SPAG16: variants seen among roughly 807,000 people sequenced by gnomAD.
SPAG16 encodes sperm associated antigen 16.
A neutral mutation model predicts 80.4 loss-of-function variants in SPAG16; 86 were observed. The observed-to-expected ratio is 1.07, with a 90% CI of 0.90 to 1.28. The LOEUF is 1.28. Among genes scored for constraint, SPAG16 ranks in the 50% most tolerant of loss-of-function variants. The pLI is 0.00. For synonymous variants in SPAG16, 294 were observed against 265.9 expected, an observed-to-expected ratio of 1.11 and a Z score of -1.03; for missense variants, 870 against 765.3, an observed-to-expected ratio of 1.14 and a Z score of -1.61.
intron 13 of SPAG16, among the ~76,000 whole-genome samples, chr2:214,098,057 T>C (rs2052728141): frequency 6.6e-6 from 1 of 152,118 alleles, no homozygotes; most frequent in Non-Finnish European, 1.5e-5. Context: ...ATCATTACAT[T>C]ATATGCTTGT....
chr2:213,596,527 C>T (rs745723847), intron 10 of SPAG16, among the ~76,000 whole-genome samples: 1 of 152,068 alleles, frequency 6.6e-6, no homozygotes, highest in Non-Finnish European at 1.5e-5. Flanking sequence ...TTTCAGATGA[C>T]ATTTAAGAAT....
Position 214,046,316 on chromosome 2 carries a change from A to T in SPAG16, c.1527+32239A>T, listed in dbSNP as rs112204735. On this transcript the variant is annotated intron_variant, in intron 13 of 15. Transcript: ENST00000331683. Reference sequence around the variant, plus strand: ...AATCTTACTCAAACTATTTCCAAAAATATGTGAAGATGGAATACTTCCAAA... The same window carrying T: ...AATCTTACTCAAACTATTTCCAAAATTATGTGAAGATGGAATACTTCCAAA... Among the ~76,000 whole-genome samples the T allele has an allele frequency of 3.5e-3, 539 of 152,316 alleles. 5 individuals are homozygous for T. The highest frequency in any genetic ancestry group is 0.012 in the African/African-American group (514 of 41,582).
intron 12 of SPAG16, among the ~76,000 whole-genome samples, chr2:214,005,089 C>T (rs915602323): frequency 6.6e-6 from 1 of 152,048 alleles, no homozygotes; most frequent in African/African-American, 2.4e-5. Flanking sequence ...TATCAGCCTG[C>T]CTCAGGTTGC....
intron 10 of SPAG16, among the ~76,000 whole-genome samples, chr2:213,821,877 G>A (rs1455167687): frequency 2.0e-5 from 3 of 152,132 alleles, no homozygotes; most frequent in African/African-American, 2.4e-5. Context: ...TGCAAGTGAT[G>A]GGATCTCATT....
intron 10 of SPAG16, among the ~76,000 whole-genome samples, chr2:213,856,603 G>A (rs565040132): frequency 7.2e-5 from 11 of 152,140 alleles, no homozygotes; most frequent in Non-Finnish European, 1.5e-4. Context: ...CTTGGCAGAG[G>A]TTCCCAAACC....
intron 11 of SPAG16, among the ~76,000 whole-genome samples, chr2:213,874,630 G>A (rs1402446663): frequency 2.0e-5 from 3 of 152,114 alleles, no homozygotes; most frequent in African/African-American, 7.2e-5. Flanking sequence ...GTAGCCATAT[G>A]GCATTATGAA....
chr2:213,523,111 A>G (rs1301137635), intron 10 of SPAG16, among the ~76,000 whole-genome samples: 1 of 152,086 alleles, frequency 6.6e-6, no homozygotes, highest in African/African-American at 2.4e-5. Context: ...TAATCCTCAC[A>G]TGTCATGGGA....
chr2:213,432,831 A>G (rs551882369), intron 9 of SPAG16, among the ~76,000 whole-genome samples: 60 of 152,280 alleles, frequency 3.9e-4, no homozygotes, highest in African/African-American at 1.3e-3. Context: ...TCCCGAGTGA[A>G]CAAAGATACA....
At chr2:213,296,235 CTG>C in intron 2 of SPAG16, 125 bp downstream of exon 2, 1 of 638,080 alleles carries the variant, frequency 1.6e-6, no homozygotes, top group Non-Finnish European at 2.7e-6. Context: ...AGTTTTTCAA[CTG>C]AATTTAGCTA....
At chr2:214,346,977 C>T (rs1020655757) in intron 15 of SPAG16, among the ~76,000 whole-genome samples, 3 of 152,134 alleles carry the variant, frequency 2.0e-5, no homozygotes, top group Non-Finnish European at 4.4e-5. Flanking sequence ...TGGGGTTTGT[C>T]ATATTTCAGT....
intron 10 of SPAG16, among the ~76,000 whole-genome samples, chr2:213,849,521 A>T (rs984296591): frequency 2.0e-5 from 3 of 152,256 alleles, no homozygotes; most frequent in Non-Finnish European, 2.9e-5. Context: ...ATAGATACAA[A>T]AAAGTCATTA....
intron 12 of SPAG16, among the ~76,000 whole-genome samples, chr2:214,010,247 A>G (rs2047219799): frequency 6.8e-6 from 1 of 146,426 alleles, no homozygotes; most frequent in African/African-American, 2.7e-5. Flanking sequence ...TAGAATAAAC[A>G]TAATTGAGAG....
At chr2:213,328,366 C>CA (rs150729193) in intron 5 of SPAG16, among the ~76,000 whole-genome samples, 32,980 of 151,908 alleles carry the variant, frequency 0.22, 4,412 homozygotes, top group Non-Finnish European at 0.31. Flanking sequence ...GATCCTTTTT[C>CA]AAAACAATTT....
chr2:213,762,867 T>C (rs2068735515), intron 10 of SPAG16, among the ~76,000 whole-genome samples: 1 of 152,202 alleles, frequency 6.6e-6, no homozygotes, highest in Non-Finnish European at 1.5e-5. Context: ...TGGGGGAAAG[T>C]ATTTGCAAGT....
At chr2:213,520,828 T>C (rs191324085) in intron 10 of SPAG16, among the ~76,000 whole-genome samples, 30 of 152,326 alleles carry the variant, frequency 2.0e-4, no homozygotes, top group Admixed American at 1.4e-3. Flanking sequence ...ATTCTTGGGA[T>C]CAGTCACTCA....
chr2:213,491,037 A>T (rs1250862242), intron 10 of SPAG16, among the ~76,000 whole-genome samples: 2 of 152,050 alleles, frequency 1.3e-5, no homozygotes, highest in Non-Finnish European at 2.9e-5. Context: ...CATTTGTTTG[A>T]TTATTTCCTC....
At chr2:213,894,317 A>T (rs1462077713) in intron 11 of SPAG16, among the ~76,000 whole-genome samples, 1 of 152,222 alleles carries the variant, frequency 6.6e-6, no homozygotes, top group African/African-American at 2.4e-5. Flanking sequence ...TGTACATCAT[A>T]TTAACATAAC....
intron 12 of SPAG16, among the ~76,000 whole-genome samples, chr2:214,006,808 T>TA (rs1239086554): frequency 6.6e-6 from 1 of 152,214 alleles, no homozygotes; most frequent in Non-Finnish European, 1.5e-5. Flanking sequence ...CCCCACACCT[T>TA]AAGCCAGTGA....
At chr2:213,430,979 A>G (rs1009819122) in intron 9 of SPAG16, among the ~76,000 whole-genome samples, 11 of 152,220 alleles carry the variant, frequency 7.2e-5, no homozygotes, top group African/African-American at 2.7e-4. Context: ...TTGCCAGAAT[A>G]AGCTTCATAA....
Sources: gnomAD v4.1 joint callset for allele counts (sites outside exome capture counted in the v4.1 genomes callset) on GRCh38, gnomAD v4.1.1 for gene constraint, MANE v1.5 for transcripts, NCBI Gene and HGNC (gene_info 2026-07-23, HGNC 2026-07-21) for gene names.